COL4A1: variants seen among roughly 807,000 people sequenced by gnomAD.
COL4A1 encodes the protein collagen type IV alpha 1 chain.
A neutral mutation model predicts 216.6 loss-of-function variants in COL4A1; 40 were observed. The observed-to-expected ratio is 0.18, with a 90% confidence interval of 0.14 to 0.24. The LOEUF (loss-of-function observed/expected upper bound fraction) is 0.24, where lower values mean the gene tolerates loss of function less well. Among genes scored for constraint, COL4A1 ranks in the 10% least tolerant of loss-of-function variants. The pLI is 1.00. For synonymous variants in COL4A1, 839 were observed against 810.7 expected (o/e 1.03, Z -0.59); for missense variants, 1,628 against 2,196.8 (o/e 0.74, Z 5.18).
chr13:110,154,790 T>TAGTCATATGGAGAA (rs1876696786), intron 50 of COL4A1, among the ~76,000 whole-genome samples: 41 of 152,222 alleles, frequency 2.7e-4, no homozygotes, highest in Admixed American at 4.6e-4. Flanking sequence ...ATAGAGAAGC[T>TAGTCATATGGAGAA]GCTCAAAGAT....
At chr13:110,190,473 G>C (rs1878580217) in intron 24 of COL4A1, among the ~76,000 whole-genome samples, 1 of 152,138 alleles carries the variant, frequency 6.6e-6, no homozygotes, top group African/African-American at 2.4e-5. Context: ...TCATCAATCC[G>C]CTCGGGGAGT....
In COL4A1 at chr13:110,201,384, G is replaced by C. The variant is rs148716351; in HGVS notation, c.1084+54C>G. 679 of 1,274,114 alleles carry C rather than the reference G, an allele frequency of 5.3e-4. 6 individuals are homozygous for C. The highest frequency in any genetic ancestry group is 1.3e-3 in the African/African-American group (65 of 48,266). The allele number at this position is 1,274,114 out of a possible 1,614,324, so 78.9% of individuals were successfully genotyped here. A position where few individuals can be genotyped will look rare whatever the true frequency, so the allele number is the denominator to read the frequency against. ...AAGAGGACGAGGAGGAGGAAGAGGA[G>C]GAGGAGAGAAGGAGGGGGAGTAGGA... On this transcript the variant is annotated intron_variant, in intron 19 of 51. Coordinates refer to ENST00000375820, the MANE Select transcript of COL4A1 (RefSeq NM_001845.6).
At chr13:110,247,862 A>G (rs1356733955) in intron 1 of COL4A1, among the ~76,000 whole-genome samples, 456 of 61,326 alleles carry the variant, frequency 7.4e-3, no homozygotes, top group African/African-American at 8.0e-3. Context: ...GGAGGGAGGG[A>G]GGGGAGAAGG....
chr13:110,159,520 G>A (rs762026588), intron 49 of COL4A1, among the ~76,000 whole-genome samples: 2 of 152,186 alleles, frequency 1.3e-5, no homozygotes, highest in Non-Finnish European at 2.9e-5. Flanking sequence ...AAAGGGTGTG[G>A]CCACTGTGGA....
At chr13:110,219,967 C>CATATACAT (rs1880392419) in intron 2 of COL4A1, among the ~76,000 whole-genome samples, 3 of 134,168 alleles carry the variant, frequency 2.2e-5, no homozygotes, top group Admixed American at 7.8e-5. Context: ...CATACATATA[C>CATATACAT]ATATATATAT....
intron 18 of COL4A1, 54 bp from the exon 19 acceptor site, chr13:110,201,576 G>A: frequency 7.1e-7 from 1 of 1,412,708 alleles, no homozygotes; most frequent in Non-Finnish European, 1.0e-6. Flanking sequence ...GGCTAGTCCT[G>A]TATAGTAAAG....
At chr13:110,305,478 A>G (rs1326847860) in intron 1 of COL4A1, among the ~76,000 whole-genome samples, 1 of 152,214 alleles carries the variant, frequency 6.6e-6, no homozygotes, top group Non-Finnish European at 1.5e-5. Context: ...AACAGCTCCT[A>G]TTTCCCAATG....
At chr13:110,250,261 GTC>G (rs911252858) in intron 1 of COL4A1, among the ~76,000 whole-genome samples, 69 of 151,324 alleles carry the variant, frequency 4.6e-4, no homozygotes, top group African/African-American at 1.7e-3. Flanking sequence ...TATGTAACAT[GTC>G]TCTCTCTGTG....
intron 10 of COL4A1, 102 bp downstream of exon 10, chr13:110,209,878 C>A (rs1879695373): frequency 4.3e-6 from 6 of 1,405,516 alleles, no homozygotes; most frequent in Admixed American, 3.3e-5. Context: ...TTAAGAGCGA[C>A]CACAACTGTG....
chr13:110,168,849 C>G (rs2139153467), intron 43 of COL4A1, among the ~76,000 whole-genome samples: 1 of 152,292 alleles, frequency 6.6e-6, no homozygotes, highest in South Asian at 2.1e-4. Flanking sequence ...GAGAGACAGA[C>G]AGATGGAGAC....
At chr13:110,178,490 C>T (rs1405916032) in intron 31 of COL4A1, among the ~76,000 whole-genome samples, 5 of 152,204 alleles carry the variant, frequency 3.3e-5, no homozygotes, top group Admixed American at 6.5e-5. Flanking sequence ...ACTGCCTTGT[C>T]GCAGTACTTA....
At chr13:110,196,625 C>T (rs1878904753) in intron 21 of COL4A1, among the ~76,000 whole-genome samples, 1 of 151,982 alleles carries the variant, frequency 6.6e-6, no homozygotes, top group African/African-American at 2.4e-5. Flanking sequence ...AAAAATAGTA[C>T]ATCCTCACCA....
At chr13:110,244,533 G>T (rs1396603620) in intron 1 of COL4A1, among the ~76,000 whole-genome samples, 1 of 152,164 alleles carries the variant, frequency 6.6e-6, no homozygotes, top group Non-Finnish European at 1.5e-5. Context: ...GCTCCAGGAG[G>T]TTCTTCCAAA....
rs748255404 is a variant in COL4A1 at position 110,161,258 on chromosome 13, G to T, written c.4574C>A (p.Thr1525Asn). 2.5e-6 allele frequency: 4 copies of T among 1,614,218 alleles called. No homozygotes were observed. Among genetic ancestry groups the T allele is most frequent in the Non-Finnish European group, 3.4e-6 (4 of 1,180,042 alleles). ...SRNDYSYWLSTPEPMPMSMAP... is the reference protein window; with the variant it reads ...SRNDYSYWLSNPEPMPMSMAP... ...CATTGACATGGGCATGGGCTCAGGG[G>T]TGGACAGCCAGTACGAGTAGTCATT... The change falls in exon 49 of 52, where the codon ACC becomes AAC. Residue 1525 changes from threonine (T) to asparagine (N), a missense_variant. Physicochemically the swap from Thr to Asn is moderately conservative, Grantham distance 65. Coordinates refer to ENST00000375820, the MANE Select transcript of COL4A1 (RefSeq NM_001845.6).
chr13:110,300,382 T>G (rs538685789), intron 1 of COL4A1, among the ~76,000 whole-genome samples: 80 of 152,356 alleles, frequency 5.3e-4, no homozygotes, highest in African/African-American at 1.8e-3. Flanking sequence ...GGGAAAAGTT[T>G]GTGGAAATAG....
Position 110,307,101 on chromosome 13 carries a change from G to T in COL4A1, c.-74C>A. 2 of 1,245,324 alleles carry T rather than the reference G, an allele frequency of 1.6e-6. No homozygotes were observed. Among genetic ancestry groups the T allele is most frequent in the Non-Finnish European group, 2.1e-6 (2 of 949,766 alleles). The allele number at this position is 1,245,324 out of a possible 1,614,324, so 77.1% of individuals were successfully genotyped here. A position where few individuals can be genotyped will look rare whatever the true frequency, so the allele number is the denominator to read the frequency against. On this transcript the variant is annotated 5_prime_UTR_variant, in exon 1 of 52. Coordinates refer to ENST00000375820, the MANE Select transcript of COL4A1 (RefSeq NM_001845.6). This position sits in a 1 kb window ranked among gnomAD's most constrained non-coding sequence, Gnocchi z 5.0. ...CGCGGCGGACAGCTAGCTCTCGGAA[G>T]GCCGGACTTCCAGCGCTACGCACCG...
At chr13:110,294,431 T>A (rs1884193405) in intron 1 of COL4A1, among the ~76,000 whole-genome samples, 1 of 152,216 alleles carries the variant, frequency 6.6e-6, no homozygotes, top group Non-Finnish European at 1.5e-5. Flanking sequence ...TCCCTCCCAT[T>A]CCTCCATCTG....
Position 110,162,247 on chromosome 13 carries a change from G to C in COL4A1, c.4445C>G (p.Ala1482Gly), listed in dbSNP as rs1399180828. ...SLLYVQGNER[A>G]HGQDLGTAGS... ...CTTCTTACCCAAGTCCTGGCCATGG[G>C]CCCGTTCATTGCCTTGCACGTAGAG... Residue 1482 changes from alanine (A) to glycine (G), a missense_variant, in exon 48 of 52, where the codon GCC (alanine) becomes GGC (glycine). Around this residue, in one of 8 missense-constraint regions of COL4A1, gnomAD observed 254 missense variants for 300.1 expected, o/e 0.85. Transcript: ENST00000375820. 1 of 1,614,168 alleles carries C rather than the reference G, an allele frequency of 6.2e-7. No individual in the cohort carries two copies. The highest frequency in any genetic ancestry group is 2.2e-5 in the East Asian group (1 of 44,886).
At chr13:110,198,443 T>TA in intron 21 of COL4A1, 24 bp downstream of exon 21, 1 of 1,612,942 alleles carries the variant, frequency 6.2e-7, no homozygotes, top group Non-Finnish European at 8.5e-7. Flanking sequence ...CACCCCACAT[T>TA]AAACCATTTC....
Sources: allele counts gnomAD v4.1 joint callset (sites outside exome capture counted in the v4.1 genomes callset), GRCh38; gene constraint gnomAD v4.1.1; regional missense constraint gnomAD v4.1.1; non-coding constraint Gnocchi (gnomAD v3.1); transcripts MANE v1.5; gene names NCBI Gene and HGNC (gene_info 2026-07-23, HGNC 2026-07-21).